The following LUC7L variants were observed in gnomAD, a reference collection of about 807,000 sequenced individuals.
The protein encoded by LUC7L is LUC7 like.
In LUC7L, 29 loss-of-function variants were observed where a neutral mutation model predicts 51.1. That is an observed-to-expected ratio of 0.57 (90% CI 0.42 to 0.77). The LOEUF is 0.77. Among genes scored for constraint, LUC7L ranks in the 30% least tolerant of loss-of-function variants. The pLI is 0.00. For synonymous variants in LUC7L, 181 were observed against 180.7 expected, an observed-to-expected ratio of 1.00 and a Z score of -0.01; for missense variants, 403 against 511.9, an observed-to-expected ratio of 0.79 and a Z score of 2.05.
Position 196,664 on chromosome 16 carries a change from A to C in LUC7L, c.687+2398T>G, listed in dbSNP as rs543023600. ...TGCCTCAGCCTGCCAAGTAGCTGAGAATACAAATGTGTACCACCATGCCCA... is the reference window on the plus strand; with the variant it reads ...TGCCTCAGCCTGCCAAGTAGCTGAGCATACAAATGTGTACCACCATGCCCA... On this transcript the variant is annotated intron_variant, in intron 6 of 9. Coordinates refer to ENST00000293872, the MANE Select transcript of LUC7L (RefSeq NM_201412.3). Among the ~76,000 whole-genome samples, 3 of 151,506 alleles carry C rather than the reference A, an allele frequency of 2.0e-5. No individual in the cohort carries two copies. In the East Asian group the frequency reaches 6.0e-4, roughly 30 times the overall value.
chr16:189,234 T>C lies in LUC7L; in HGVS notation c.1080A>G (p.Ser360=), dbSNP rs139278035. The C allele has an allele frequency of 1.2e-5, 19 of 1,613,902 alleles. No individual in the cohort carries two copies. Among genetic ancestry groups the C allele is most frequent in the Non-Finnish European group, 1.4e-5 (16 of 1,180,000 alleles). ...CGGCCTCCTTCTCTTCTGACCTCCG[T>C]GAAGCCATCTTCCCGTTGGAGCTCT... ...RLESSNGKMA[S]RRSEEKEAGE... is the part of the protein sequence containing the mutation. Residue 360 remains serine (S), a synonymous_variant, in exon 10 of 10, where the codon TCA becomes TCG. Transcript: ENST00000293872.
At chr16:224,247 G>C (rs937495278) in intron 2 of LUC7L, among the ~76,000 whole-genome samples, 2 of 152,170 alleles carry the variant, frequency 1.3e-5, no homozygotes, top group South Asian at 4.1e-4. Flanking sequence ...GGCCGAGCGC[G>C]GTGGCTCATG....
chr16:207,093 G>A (rs976099625), intron 4 of LUC7L, among the ~76,000 whole-genome samples: 2 of 151,734 alleles, frequency 1.3e-5, no homozygotes, highest in African/African-American at 4.8e-5. Flanking sequence ...CAGCTACTCA[G>A]GAGGCTGAGG....
At chr16:205,763 T>G (rs1255703306) in intron 5 of LUC7L, among the ~76,000 whole-genome samples, 1 of 152,168 alleles carries the variant, frequency 6.6e-6, no homozygotes, top group African/African-American at 2.4e-5. Flanking sequence ...CTAATTTTTT[T>G]GTATTTTTAG....
At chr16:193,631 G>A (rs546726941) in intron 6 of LUC7L, among the ~76,000 whole-genome samples, 1 of 151,558 alleles carries the variant, frequency 6.6e-6, no homozygotes, top group East Asian at 2.0e-4. Flanking sequence ...TGAGTAGCTG[G>A]GATTACAAGC....
intron 5 of LUC7L, among the ~76,000 whole-genome samples, chr16:200,969 G>A (rs1341006702): frequency 2.0e-5 from 3 of 151,722 alleles, no homozygotes; most frequent in African/African-American, 7.3e-5. Context: ...TGGATCACAA[G>A]GTCAGGAGTC....
chr16:194,192 C>T (rs899069647), intron 6 of LUC7L, among the ~76,000 whole-genome samples: 1 of 152,092 alleles, frequency 6.6e-6, no homozygotes, highest in African/African-American at 2.4e-5. Context: ...GAGCCTTGAC[C>T]TCCCAGGCTC....
At chr16:189,833 G>A (rs895380601) in intron 9 of LUC7L, 135 bp downstream of exon 9, 13 of 1,454,218 alleles carry the variant, frequency 8.9e-6, no homozygotes, top group African/African-American at 2.8e-5. Context: ...CCTGAGTCCC[G>A]TTCACGACTC....
At chr16:219,758 G>T (rs917703177) in intron 3 of LUC7L, among the ~76,000 whole-genome samples, 5 of 152,000 alleles carry the variant, frequency 3.3e-5, no homozygotes, top group African/African-American at 1.2e-4. Context: ...TGTATTCCCA[G>T]CTCCTCAGGA....
chr16:189,781 C>A (rs72763690), intron 9 of LUC7L, 187 bp downstream of exon 9: 85,625 of 1,416,280 alleles, frequency 0.06, 2,804 homozygotes, highest in Non-Finnish European at 0.067. Context: ...CATCACCTGG[C>A]GCCGTGCGAG....
At chr16:202,315 G>C (rs1046720425) in intron 5 of LUC7L, among the ~76,000 whole-genome samples, 1 of 151,994 alleles carries the variant, frequency 6.6e-6, no homozygotes, top group Admixed American at 6.6e-5. Flanking sequence ...ACTATCCCAG[G>C]GAGGGCACCA....
Position 208,083 on chromosome 16 carries a change from C to A in LUC7L, c.361G>T (p.Ala121Ser), listed in dbSNP as rs1219413013. The change falls in exon 4 of 10, where the codon GCA becomes TCA. Residue 121 changes from alanine (A) to serine (S), a missense_variant. Ala to Ser is a moderately conservative substitution (Grantham distance 99). This residue lies in a region of LUC7L where 182 missense variants were observed against 248.4 expected (regional missense o/e 0.73). Coordinates refer to ENST00000293872, the MANE Select transcript of LUC7L (RefSeq NM_201412.3). Reference protein sequence around the residue: ...TQEEISAEVSAKAEKVHELNE... With the variant: ...TQEEISAEVSSKAEKVHELNE... ...CCGAAGCCACCCAAGCATACCTTTG[C>A]AGAAACTTCCGCACTGATTTCCTCC... 1.2e-6 allele frequency: 2 copies of A among 1,608,622 alleles called. No individual in the cohort carries two copies. Among genetic ancestry groups the A allele is most frequent in the Admixed American group, 3.5e-5 (2 of 57,912 alleles).
chr16:196,861 C>T (rs141521532), intron 6 of LUC7L, among the ~76,000 whole-genome samples: 1 of 149,526 alleles, frequency 6.7e-6, no homozygotes, highest in East Asian at 2.0e-4. Flanking sequence ...TAAATGCATA[C>T]TAAATTGTGA....
intron 2 of LUC7L, among the ~76,000 whole-genome samples, chr16:223,971 C>T (rs536210318): frequency 5.5e-4 from 84 of 152,116 alleles, no homozygotes; most frequent in African/African-American, 1.9e-3. Flanking sequence ...AGCCACCGCA[C>T]CTGGCCTCAT....
intron 5 of LUC7L, among the ~76,000 whole-genome samples, chr16:204,946 G>A (rs936752471): frequency 1.3e-5 from 2 of 152,164 alleles, no homozygotes; most frequent in African/African-American, 4.8e-5. Context: ...ATGTACTGGA[G>A]AGGTGAACTG....
At chr16:221,517 C>A (rs2049969510) in intron 2 of LUC7L, among the ~76,000 whole-genome samples, 1 of 152,074 alleles carries the variant, frequency 6.6e-6, no homozygotes, top group Non-Finnish European at 1.5e-5. Context: ...GCCTGCCCAA[C>A]ATGATAAAAC....
Position 222,252 on chromosome 16 carries a change from G to C in LUC7L, c.157-1505C>G, listed in dbSNP as rs571211542. ...CTGAGGATCATCGTGTCAAGTTATA[G>C]AGTGCATGTTAACAAAACCCAACAT... On this transcript the variant is annotated intron_variant, in intron 2 of 9. Transcript: ENST00000293872. Among the ~76,000 whole-genome samples, 8 of 149,842 alleles carry C rather than the reference G, an allele frequency of 5.3e-5. No individual in the cohort carries two copies. In the South Asian group the frequency reaches 6.3e-4, roughly 12 times the overall value.
intron 7 of LUC7L, 111 bp from the exon 8 acceptor site, chr16:190,681 AC>A: frequency 1.1e-6 from 1 of 917,214 alleles, no homozygotes; most frequent in Non-Finnish European, 1.8e-6. Flanking sequence ...CGAGCTGGAG[AC>A]CAGCCTGGAC....
intron 6 of LUC7L, among the ~76,000 whole-genome samples, chr16:195,101 C>T (rs1348882890): frequency 6.6e-6 from 1 of 152,136 alleles, no homozygotes; most frequent in African/African-American, 2.4e-5. Context: ...AAGCAGGGCA[C>T]ACATGGATGG....
Sources: gnomAD v4.1 joint callset for allele counts (sites outside exome capture counted in the v4.1 genomes callset) on GRCh38, gnomAD v4.1.1 for gene constraint, gnomAD v4.1.1 regional missense constraint, MANE v1.5 for transcripts, NCBI Gene and HGNC (gene_info 2026-07-23, HGNC 2026-07-21) for gene names.